The following ASCC1 variants were observed in gnomAD, a reference collection of about 807,000 sequenced individuals.
ASCC1 encodes activating signal cointegrator 1 complex subunit 1.
A neutral mutation model predicts 46.6 loss-of-function variants in ASCC1; 35 were observed. The observed-to-expected ratio is 0.75, with a 90% confidence interval of 0.57 to 0.99. The LOEUF (loss-of-function observed/expected upper bound fraction) is 0.99. ASCC1 is among the 50% of genes least tolerant of loss of function. The probability of loss-of-function intolerance (pLI) is 0.00; values close to 1 mark genes in which losing one functional copy is unlikely to be tolerated. For synonymous variants in ASCC1, 143 were observed against 146.6 expected, an observed-to-expected ratio of 0.98 and a Z score of 0.18; for missense variants, 376 against 428.7, an observed-to-expected ratio of 0.88 and a Z score of 1.09.
intron 5 of ASCC1, among the ~76,000 whole-genome samples, chr10:72,170,396 G>T (rs1850917463): frequency 6.6e-6 from 1 of 152,058 alleles, no homozygotes; most frequent in African/African-American, 2.4e-5. Context: ...GTCTACTCAT[G>T]AGGAAATGCC....
At position 72,160,945 on chromosome 10, in the gene ASCC1, C is replaced by T. The variant is rs1017638831; in HGVS notation, c.626+593G>A. Among the ~76,000 whole-genome samples, 55 of 151,628 alleles carry T rather than the reference C, an allele frequency of 3.6e-4. 2 individuals carry two copies. The highest frequency in any genetic ancestry group is 8.8e-5 in the Non-Finnish European group (6 of 67,880). On this transcript the variant is annotated intron_variant, in intron 6 of 9. Transcript: ENST00000672957. ...AAAAATACAAAAAATTAGCCGGACG[C>T]GGTGGCGGGCGCCTGTAGTCCCAGC... is the stretch of plus-strand genomic sequence containing the variant.
chr10:72,147,554 A>G (rs1046632499), intron 7 of ASCC1, among the ~76,000 whole-genome samples: 7 of 152,136 alleles, frequency 4.6e-5, no homozygotes, highest in African/African-American at 1.4e-4. Context: ...TGGCTGGCCT[A>G]AAATAATAAA....
chr10:72,173,507 T>C (rs565204439), intron 5 of ASCC1, among the ~76,000 whole-genome samples: 4 of 152,280 alleles, frequency 2.6e-5, no homozygotes, highest in South Asian at 2.1e-4. Context: ...AAGTCCTTTT[T>C]GGAATTATGA....
intron 4 of ASCC1, among the ~76,000 whole-genome samples, chr10:72,197,602 A>G (rs1384972563): frequency 6.6e-6 from 1 of 152,092 alleles, no homozygotes; most frequent in Admixed American, 6.6e-5. Context: ...AAAGTTTGGT[A>G]ATTCCTTAAA....
chr10:72,139,108 C>CT (rs1410544512), intron 7 of ASCC1, among the ~76,000 whole-genome samples: 4 of 144,806 alleles, frequency 2.8e-5, no homozygotes, highest in African/African-American at 8.0e-5. Flanking sequence ...TTTCTTTTTT[C>CT]TTTTTCTTTT....
intron 3 of ASCC1, 36 bp from the exon 4 acceptor site, chr10:72,203,560 A>G (rs1415726894): frequency 7.1e-7 from 1 of 1,411,708 alleles, no homozygotes; most frequent in Non-Finnish European, 1.0e-6. Flanking sequence ...GATTAAGTCA[A>G]AATGTACCAA....
At chr10:72,141,086 TATAG>T (rs1420589449) in intron 7 of ASCC1, among the ~76,000 whole-genome samples, 2 of 122,114 alleles carry the variant, frequency 1.6e-5, no homozygotes, top group African/African-American at 3.0e-5. Flanking sequence ...GATAGATAGA[TATAG>T]ATATAGACAT....
At chr10:72,164,884 T>C (rs1850151367) in intron 5 of ASCC1, among the ~76,000 whole-genome samples, 1 of 152,262 alleles carries the variant, frequency 6.6e-6, no homozygotes, top group East Asian at 1.9e-4. Context: ...TCAATGATGA[T>C]GACATCTTTT....
intron 5 of ASCC1, among the ~76,000 whole-genome samples, chr10:72,195,139 GTTTTTTTTTTTT>G (rs142672810): frequency 1.6e-5 from 1 of 61,020 alleles, no homozygotes; most frequent in Non-Finnish European, 2.9e-5. Flanking sequence ...TTTTTGCTGT[GTTTTTTTTTTTT>G]TTTTTTTTTT....
intron 7 of ASCC1, among the ~76,000 whole-genome samples, chr10:72,135,784 G>A (rs1846110331): frequency 1.3e-5 from 2 of 152,218 alleles, no homozygotes; most frequent in Admixed American, 6.5e-5. Flanking sequence ...GTGGTGAGAA[G>A]TGAGATTCTC....
intron 9 of ASCC1, among the ~76,000 whole-genome samples, chr10:72,118,499 G>T (rs1478325350): frequency 6.6e-6 from 1 of 152,010 alleles, no homozygotes; most frequent in Non-Finnish European, 1.5e-5. Context: ...ACACTTTCTG[G>T]CTGGGCATGG....
chr10:72,109,574 C>G (rs185462922), intron 9 of ASCC1, among the ~76,000 whole-genome samples: 1 of 152,296 alleles, frequency 6.6e-6, no homozygotes, highest in Admixed American at 6.5e-5. Context: ...CAAATAATCA[C>G]TCAGGGATGC....
chr10:72,161,876 A>T (rs543628075), intron 5 of ASCC1, among the ~76,000 whole-genome samples: 18 of 152,328 alleles, frequency 1.2e-4, no homozygotes, highest in African/African-American at 4.3e-4. Flanking sequence ...ATAAAGATAG[A>T]CTACTACCTC....
intron 5 of ASCC1, 124 bp from the exon 6 acceptor site, chr10:72,161,798 G>C: frequency 1.9e-6 from 2 of 1,072,554 alleles, no homozygotes; most frequent in South Asian, 2.6e-5. Flanking sequence ...AAGGTGCCAA[G>C]ACCATTCAAT....
At chr10:72,136,585 G>C (rs542373877) in intron 7 of ASCC1, among the ~76,000 whole-genome samples, 2 of 152,152 alleles carry the variant, frequency 1.3e-5, no homozygotes, top group African/African-American at 2.4e-5. Context: ...GGATGTGGGC[G>C]GGGCCAAATA....
At chr10:72,135,357 TG>T (rs1326272957) in intron 7 of ASCC1, among the ~76,000 whole-genome samples, 1 of 150,850 alleles carries the variant, frequency 6.6e-6, no homozygotes, top group East Asian at 2.0e-4. Flanking sequence ...TGAATGGGGG[TG>T]GGGGCACTAT....
At chr10:72,108,711 G>A (rs1341659752) in intron 9 of ASCC1, among the ~76,000 whole-genome samples, 1 of 152,126 alleles carries the variant, frequency 6.6e-6, no homozygotes, top group African/African-American at 2.4e-5. Flanking sequence ...TTTAAACAGG[G>A]ATGATCCTTT....
chr10:72,205,013 T>C (rs1439522249), intron 3 of ASCC1, among the ~76,000 whole-genome samples: 1 of 152,174 alleles, frequency 6.6e-6, no homozygotes, highest in African/African-American at 2.4e-5. Flanking sequence ...CAAACAAACC[T>C]TGGAATTCAT....
chr10:72,181,376 C>T (rs1554836879), intron 5 of ASCC1, among the ~76,000 whole-genome samples: 1 of 152,090 alleles, frequency 6.6e-6, no homozygotes, highest in African/African-American at 2.4e-5. Flanking sequence ...CTTGGACTAA[C>T]AGACAAGTTA....
Sources: allele counts gnomAD v4.1 joint callset (sites outside exome capture counted in the v4.1 genomes callset), GRCh38; gene constraint gnomAD v4.1.1; transcripts MANE v1.5; gene names NCBI Gene and HGNC (gene_info 2026-07-23, HGNC 2026-07-21).